Variants in MAPKAPK5 observed in about 807,000 individuals in gnomAD.
MAPKAPK5 encodes the protein MAPK activated protein kinase 5.
In MAPKAPK5, 30 loss-of-function variants were observed where a neutral mutation model predicts 65.1. The ratio of observed to expected loss-of-function variants is 0.46; its 90% CI spans 0.34 to 0.63. The LOEUF (loss-of-function observed/expected upper bound fraction) is 0.63. Ranked by LOEUF, MAPKAPK5 falls within the 20% of genes least tolerant of loss-of-function variation. MAPKAPK5 has a pLI of 0.01. For missense variants in MAPKAPK5, 433 were observed against 581.4 expected (o/e 0.74, Z 2.63); for synonymous variants, 179 against 204.6 (o/e 0.87, Z 1.07).
rs904842893 is a variant in MAPKAPK5 at position 111,896,864 on chromosome 12, C to A, written c.*3803C>A. The A allele has an allele frequency of 1.3e-5, 2 of 152,178 alleles. No individual in the cohort carries two copies. Among genetic ancestry groups the A allele is most frequent in the Non-Finnish European group, 2.9e-5 (2 of 68,036 alleles). 9.4% of individuals were successfully genotyped at this position (152,178 alleles called of 1,614,324 possible). A position where few individuals can be genotyped will look rare whatever the true frequency, so the allele number is the denominator to read the frequency against. On this transcript the variant is annotated 3_prime_UTR_variant, in exon 14 of 14. Transcript: ENST00000550735. ...ATAGATGAGGCTCAGCGTGGTGGCT[C>A]ATGCCTTTAGTAATCCCAGCACTTT...
intron 2 of MAPKAPK5, 90 bp from the exon 3 acceptor site, chr12:111,866,066 A>G (rs1335786893): frequency 2.9e-6 from 3 of 1,040,462 alleles, no homozygotes; most frequent in Non-Finnish European, 4.2e-6. Flanking sequence ...ATCCTTGATG[A>G]GAAGTACAAA....
chr12:111,890,658 A>G (rs2070571306), intron 13 of MAPKAPK5, among the ~76,000 whole-genome samples: 1 of 152,048 alleles, frequency 6.6e-6, no homozygotes, highest in African/African-American at 2.4e-5. Flanking sequence ...GAATTTCTTG[A>G]ACTGCCTTGT....
rs372750159 is a variant in MAPKAPK5 at position 111,870,254 on chromosome 12, A to G, written c.394-17A>G. On this transcript the variant is annotated splice_polypyrimidine_tract_variant and intron_variant, in intron 5 of 13. Coordinates refer to ENST00000550735, the MANE Select transcript of MAPKAPK5 (RefSeq NM_003668.4). ...GTCTTTTCTAAGAAGCGACTGTTTC[A>G]TTGTGTCTTTTTTCAGATAGCTTTG... is the stretch of plus-strand genomic sequence containing the variant. 18 of 1,574,178 alleles carry G rather than the reference A, an allele frequency of 1.1e-5. No individual in the cohort carries two copies. The highest frequency in any genetic ancestry group is 3.4e-5 in the Admixed American group (2 of 59,496).
At chr12:111,856,628 A>G (rs1413433047) in intron 1 of MAPKAPK5, among the ~76,000 whole-genome samples, 1 of 151,956 alleles carries the variant, frequency 6.6e-6, no homozygotes, top group Non-Finnish European at 1.5e-5. Context: ...GCTGGTCTCA[A>G]ACTCCTGACC....
At chr12:111,885,833 C>T in intron 9 of MAPKAPK5, 83 bp from the exon 10 acceptor site, 1 of 1,571,394 alleles carries the variant, frequency 6.4e-7, no homozygotes, top group Admixed American at 1.8e-5. Context: ...GTAACCAGAA[C>T]TGTTTAGAGC....
At chr12:111,873,587 C>T (rs981774946) in intron 7 of MAPKAPK5, among the ~76,000 whole-genome samples, 3 of 152,152 alleles carry the variant, frequency 2.0e-5, no homozygotes, top group African/African-American at 7.2e-5. Flanking sequence ...TCGTGATCCG[C>T]CTGCTTCGGC....
rs1695190133 is a variant in MAPKAPK5 at position 111,865,334 on chromosome 12, C to T, written c.110+11C>T. 6.4e-7 allele frequency: 1 copy of T among 1,574,498 alleles called. No homozygotes were observed. Among genetic ancestry groups the T allele is most frequent in the Non-Finnish European group, 8.6e-7 (1 of 1,156,822 alleles). On this transcript the variant is annotated intron_variant, in intron 2 of 13. Coordinates refer to ENST00000550735, the MANE Select transcript of MAPKAPK5 (RefSeq NM_003668.4). ...TAGTGGTCCAGTTAGGTAAGAGATC[C>T]ATATGAGAAACTATGGCAAATTGTT...
At position 111,896,117 on chromosome 12, in the gene MAPKAPK5, T is replaced by C. The variant is rs1486732857; in HGVS notation, c.*3056T>C. On this transcript the variant is annotated 3_prime_UTR_variant, in exon 14 of 14. Coordinates refer to ENST00000550735, the MANE Select transcript of MAPKAPK5 (RefSeq NM_003668.4). ...ACTCTTCTTCTTTAGAGGAATATTCTAGCATATCCATTATATCCATAACTT... is the reference window on the plus strand; with the variant it reads ...ACTCTTCTTCTTTAGAGGAATATTCCAGCATATCCATTATATCCATAACTT... 6.6e-6 allele frequency: 1 copy of C among 152,214 alleles called. No individual in the cohort carries two copies. The highest frequency in any genetic ancestry group is 1.5e-5 in the Non-Finnish European group (1 of 68,024). The allele number at this position is 152,214 out of a possible 1,614,324, so 9.4% of individuals were successfully genotyped here.
intron 1 of MAPKAPK5, among the ~76,000 whole-genome samples, chr12:111,843,969 A>G (rs1252263403): frequency 1.3e-5 from 2 of 148,496 alleles, no homozygotes; most frequent in Non-Finnish European, 3.0e-5. Flanking sequence ...CCCACCCACC[A>G]CGCCCTGCTA....
In MAPKAPK5 at chr12:111,900,616, G is replaced by T. The variant is rs1593205924; in HGVS notation, c.*7555G>T. On this transcript the variant is annotated 3_prime_UTR_variant, in exon 14 of 14. Coordinates refer to ENST00000550735, the MANE Select transcript of MAPKAPK5 (RefSeq NM_003668.4). ...GAGGACACGGAGCAGTGTGACTGTGGTTCTCTATGTCAGCATCATGCATGC... is the reference window on the plus strand; with the variant it reads ...GAGGACACGGAGCAGTGTGACTGTGTTTCTCTATGTCAGCATCATGCATGC... 2.2e-6 allele frequency: 1 copy of T among 456,128 alleles called. No individual in the cohort carries two copies. Among genetic ancestry groups the T allele is most frequent in the South Asian group, 1.5e-5 (1 of 64,564 alleles). The allele number at this position is 456,128 out of a possible 1,614,324, so 28.3% of individuals were successfully genotyped here.
At chr12:111,869,991 T>C (rs1345756759) in intron 5 of MAPKAPK5, among the ~76,000 whole-genome samples, 1 of 152,220 alleles carries the variant, frequency 6.6e-6, no homozygotes, top group Non-Finnish European at 1.5e-5. Context: ...ATTTCATTTT[T>C]CCCATTTCTT....
In MAPKAPK5 at chr12:111,901,096, A is replaced by C. The variant is rs1212782595; in HGVS notation, c.*8035A>C. Reference sequence around the variant, plus strand: ...ATCAATCTCCAACATACAATGATTCAGGTCCCTCAGGGAGATGGCTCATGT... The same window carrying C: ...ATCAATCTCCAACATACAATGATTCCGGTCCCTCAGGGAGATGGCTCATGT... On this transcript the variant is annotated 3_prime_UTR_variant, in exon 14 of 14. Transcript: ENST00000550735. 3 of 456,128 alleles carry C rather than the reference A, an allele frequency of 6.6e-6. No individual in the cohort carries two copies. Among genetic ancestry groups the C allele is most frequent in the Non-Finnish European group, 1.3e-5 (3 of 226,812 alleles). The allele number at this position is 456,128 out of a possible 1,614,324, so 28.3% of individuals were successfully genotyped here.
chr12:111,888,359 T>C, intron 10 of MAPKAPK5, 129 bp from the exon 11 acceptor site: 1 of 1,320,030 alleles, frequency 7.6e-7, no homozygotes, highest in Non-Finnish European at 1.0e-6. Context: ...TCAAAATATT[T>C]ATATTCCTTC....
Position 111,842,662 on chromosome 12 carries a change from C to T in MAPKAPK5, c.-72C>T. The T allele has an allele frequency of 2.5e-6, 3 of 1,209,576 alleles. No individual in the cohort carries two copies. Among genetic ancestry groups the T allele is most frequent in the Non-Finnish European group, 3.2e-6 (3 of 937,190 alleles). 74.9% of individuals were successfully genotyped at this position (1,209,576 alleles called of 1,614,324 possible). On this transcript the variant is annotated 5_prime_UTR_variant, in exon 1 of 14. Coordinates refer to ENST00000550735, the MANE Select transcript of MAPKAPK5 (RefSeq NM_003668.4). ...AGGGGCCCGAGTGCCGAGCCCTTTG[C>T]TCCCTCGGCCGCGCGGGGACAGGGC...
At chr12:111,853,193 C>A (rs2069136450) in intron 1 of MAPKAPK5, among the ~76,000 whole-genome samples, 1 of 151,714 alleles carries the variant, frequency 6.6e-6, no homozygotes, top group African/African-American at 2.4e-5. Flanking sequence ...GTGAAACCCC[C>A]TCTCTACTAA....
chr12:111,883,830 G>A lies in MAPKAPK5; in HGVS notation c.848+62G>A. Reference sequence around the variant, plus strand: ...GGCCTCCAGGTGGTGGAGCACAAGGGAATGTGGGTAGAGAAAAGTCACTGG... The same window carrying A: ...GGCCTCCAGGTGGTGGAGCACAAGGAAATGTGGGTAGAGAAAAGTCACTGG... On this transcript the variant is annotated intron_variant, in intron 9 of 13. Coordinates refer to ENST00000550735, the MANE Select transcript of MAPKAPK5 (RefSeq NM_003668.4). This position sits in a 1 kb window ranked among gnomAD's most constrained non-coding sequence, Gnocchi z 4.8. 6.5e-7 allele frequency: 1 copy of A among 1,527,730 alleles called. No homozygotes were observed. The allele number at this position is 1,527,730 out of a possible 1,614,324, so 94.6% of individuals were successfully genotyped here.
At chr12:111,872,552 T>C (rs2069817581) in intron 7 of MAPKAPK5, among the ~76,000 whole-genome samples, 1 of 152,198 alleles carries the variant, frequency 6.6e-6, no homozygotes, top group South Asian at 2.1e-4. Flanking sequence ...CTGTAACATA[T>C]TGTCACAAAC....
rs1466736283 is a variant in MAPKAPK5 at position 111,899,989 on chromosome 12, A to T, written c.*6928A>T. Reference sequence around the variant, plus strand: ...GAGATGTTTGTCGTGGTCAACAACCAGCGGTTCCAGATGTGGGGCAGTAAC... The same window carrying T: ...GAGATGTTTGTCGTGGTCAACAACCTGCGGTTCCAGATGTGGGGCAGTAAC... On this transcript the variant is annotated 3_prime_UTR_variant, in exon 14 of 14. Coordinates refer to ENST00000550735, the MANE Select transcript of MAPKAPK5 (RefSeq NM_003668.4). 9 of 455,962 alleles carry T rather than the reference A, an allele frequency of 2.0e-5. No individual in the cohort carries two copies. Among genetic ancestry groups the T allele is most frequent in the Non-Finnish European group, 8.8e-6 (2 of 226,814 alleles). 28.2% of individuals were successfully genotyped at this position (455,962 alleles called of 1,614,324 possible).
At position 111,893,351 on chromosome 12, in the gene MAPKAPK5, C is replaced by T. The variant is rs977596261; in HGVS notation, c.*290C>T. ...TTTGTAATAAAATATACAAAAATCA[C>T]TTGCCAGCAGTAGAAAAAGGACCGA... On this transcript the variant is annotated 3_prime_UTR_variant, in exon 14 of 14. Coordinates refer to ENST00000550735, the MANE Select transcript of MAPKAPK5 (RefSeq NM_003668.4). The T allele has an allele frequency of 5.9e-6, 1 of 169,372 alleles. No individual in the cohort carries two copies. The highest frequency in any genetic ancestry group is 1.3e-5 in the Non-Finnish European group (1 of 79,380). The allele number at this position is 169,372 out of a possible 1,614,324, so 10.5% of individuals were successfully genotyped here.
Sources: gnomAD v4.1 joint callset for allele counts (sites outside exome capture counted in the v4.1 genomes callset) on GRCh38, gnomAD v4.1.1 for gene constraint, Gnocchi (gnomAD v3.1) non-coding constraint, MANE v1.5 for transcripts, NCBI Gene and HGNC (gene_info 2026-07-23, HGNC 2026-07-21) for gene names.